DBNL: variants seen among roughly 807,000 people sequenced by gnomAD.
DBNL encodes drebrin like.
A neutral mutation model predicts 62.2 loss-of-function variants in DBNL; 35 were observed. That is an observed-to-expected ratio of 0.56 (90% CI 0.43 to 0.75). The LOEUF is 0.75. Among genes scored for constraint, DBNL ranks in the 30% least tolerant of loss-of-function variants. DBNL has a pLI of 0.00. For missense variants in DBNL, 495 were observed against 578.4 expected (o/e 0.86, Z 1.48); for synonymous variants, 197 against 218.0 (o/e 0.90, Z 0.85).
intron 4 of DBNL, among the ~76,000 whole-genome samples, chr7:44,053,496 A>AT (rs2096130166): frequency 6.6e-6 from 1 of 152,178 alleles, no homozygotes; most frequent in Non-Finnish European, 1.5e-5. Context: ...TTCTGCCAAC[A>AT]TTTCTTCAGC....
chr7:44,057,996 A>C (rs2096139645), intron 6 of DBNL, 133 bp from the exon 7 acceptor site: 1 of 1,524,636 alleles, frequency 6.6e-7, no homozygotes, highest in Non-Finnish European at 8.9e-7. Context: ...GGCTCGGGTA[A>C]GTTAAGCCAC....
At chr7:44,046,464 C>T (rs142287212) in intron 1 of DBNL, among the ~76,000 whole-genome samples, 3 of 152,300 alleles carry the variant, frequency 2.0e-5, no homozygotes, top group African/African-American at 4.8e-5. Flanking sequence ...GGGCTGCTTA[C>T]GAGAGCTGTC....
rs2096163947 is a variant in DBNL, at chr7:44,068,615, T to C, written c.*7699T>C. 6.6e-6 allele frequency: 1 copy of C among 152,210 alleles called. No homozygotes were observed. The highest frequency in any genetic ancestry group is 2.1e-4 in the South Asian group (1 of 4,836). 9.4% of individuals were successfully genotyped at this position (152,210 alleles called of 1,614,324 possible). On this transcript the variant is annotated 3_prime_UTR_variant, in exon 13 of 13. Transcript: ENST00000448521. The stretch of plus-strand genomic sequence containing the variant: ...ACATGGGAGAAAAGAAGATGATCAA[T>C]ACATGCCCATCCTGAGATGATTCAA...
At position 44,064,504 on chromosome 7, in the gene DBNL, TG is replaced by T; in HGVS notation, c.*3591del. 7.7e-6 allele frequency: 3 copies of T among 391,756 alleles called. No individual in the cohort carries two copies. The highest frequency in any genetic ancestry group is 9.6e-6 in the Non-Finnish European group (2 of 207,524). 24.3% of individuals were successfully genotyped at this position (391,756 alleles called of 1,614,324 possible). On this transcript the variant is annotated 3_prime_UTR_variant, in exon 13 of 13. Transcript: ENST00000448521. ...GCTTGTCCAGGGCCCCACAGTAAGT[TG>T]GGATTTGGAGCCAGATGCTCTAAGC... is the stretch of plus-strand genomic sequence containing the variant.
At chr7:44,055,859 T>C (rs940146685) in intron 4 of DBNL, among the ~76,000 whole-genome samples, 1 of 152,194 alleles carries the variant, frequency 6.6e-6, no homozygotes, top group Admixed American at 6.5e-5. Context: ...ATTCTGTAGG[T>C]TGTCTGTTTA....
In DBNL at chr7:44,059,080, TCGGTGA is replaced by T. The variant is rs1196476398; in HGVS notation, c.835+101_835+106del. 6 of 1,335,110 alleles carry T rather than the reference TCGGTGA, an allele frequency of 4.5e-6. No individual in the cohort carries two copies. The African/African-American group carries it at 8.7e-5, about 19-fold the overall frequency. The allele number at this position is 1,335,110 out of a possible 1,614,324, so 82.7% of individuals were successfully genotyped here. A position where few individuals can be genotyped will look rare whatever the true frequency, so the allele number is the denominator to read the frequency against. ...TCCCCCAAGGCTAGTGACAGATATA[TCGGTGA>T]CGGGTGAGTGAGTGAGGAGAAGGGA... is the stretch of plus-strand genomic sequence containing the variant. On this transcript the variant is annotated intron_variant, in intron 9 of 12. Coordinates refer to ENST00000448521, the MANE Select transcript of DBNL (RefSeq NM_001014436.3). The surrounding 1 kb of genome is among the most constrained non-coding windows in gnomAD (Gnocchi z 4.1).
chr7:44,050,117 A>T, intron 1 of DBNL, 108 bp from the exon 2 acceptor site: 1 of 1,280,998 alleles, frequency 7.8e-7, no homozygotes, highest in Non-Finnish European at 1.1e-6. Context: ...CCACAGTGTT[A>T]CTGTCAGCCC....
chr7:44,058,689 A>G (rs1007409730), intron 8 of DBNL: 7 of 806,202 alleles, frequency 8.7e-6, no homozygotes, highest in Non-Finnish European at 1.2e-5. Context: ...GTCCTGGGGG[A>G]GGCCCTGGGA....
At chr7:44,055,023 C>G (rs1585986805) in intron 4 of DBNL, among the ~76,000 whole-genome samples, 1 of 152,162 alleles carries the variant, frequency 6.6e-6, no homozygotes, top group Non-Finnish European at 1.5e-5. Flanking sequence ...TTTCTTTACC[C>G]TTTCATCCAT....
In DBNL at chr7:44,065,242, T is replaced by C. The variant is rs139561812; in HGVS notation, c.*4326T>C. 5.1e-4 allele frequency: 819 copies of C among 1,613,794 alleles called. No individual in the cohort carries two copies. The highest frequency in any genetic ancestry group is 6.6e-4 in the Non-Finnish European group (783 of 1,180,044). The stretch of plus-strand genomic sequence containing the variant: ...CGGCCGTTTCTGCCTTGTTGAGGCC[T>C]GTGAGGCCCCCGTAATGCCGCTCAT... On this transcript the variant is annotated 3_prime_UTR_variant, in exon 13 of 13. Coordinates refer to ENST00000448521, the MANE Select transcript of DBNL (RefSeq NM_001014436.3).
At position 44,065,121 on chromosome 7, in the gene DBNL, T is replaced by C. The variant is rs1402439808; in HGVS notation, c.*4205T>C. ...TCCCAGCAAAGGCAGCCCACCTTGC[T>C]AATGGAGTTGTAGTAGGGGTGCTTC... On this transcript the variant is annotated 3_prime_UTR_variant, in exon 13 of 13. Coordinates refer to ENST00000448521, the MANE Select transcript of DBNL (RefSeq NM_001014436.3). 9 of 1,613,830 alleles carry C rather than the reference T, an allele frequency of 5.6e-6. No homozygotes were observed. The African/African-American group carries it at 9.3e-5, about 17-fold the overall frequency.
chr7:44,064,710 T>C lies in DBNL; in HGVS notation c.*3794T>C, dbSNP rs1261336707. ...TGGCTTCTCAGCCCTCCTTTTTCAG[T>C]GAATGATGTGGAGCCCCACGCCTAG... On this transcript the variant is annotated 3_prime_UTR_variant, in exon 13 of 13. Transcript: ENST00000448521. 18 of 870,590 alleles carry C rather than the reference T, an allele frequency of 2.1e-5. No individual in the cohort carries two copies. Among genetic ancestry groups the C allele is most frequent in the Non-Finnish European group, 2.9e-5 (16 of 556,216 alleles). 53.9% of individuals were successfully genotyped at this position (870,590 alleles called of 1,614,324 possible). A position where few individuals can be genotyped will look rare whatever the true frequency, so the allele number is the denominator to read the frequency against.
Position 44,059,950 on chromosome 7 carries a change from C to T in DBNL, c.1048-98C>T. 8.0e-7 allele frequency: 1 copy of T among 1,250,196 alleles called. No homozygotes were observed. The highest frequency in any genetic ancestry group is 1.1e-6 in the Non-Finnish European group (1 of 882,120). 77.4% of individuals were successfully genotyped at this position (1,250,196 alleles called of 1,614,324 possible). A position where few individuals can be genotyped will look rare whatever the true frequency, so the allele number is the denominator to read the frequency against. ...CCCCCGAGCCTGTAGACTGCTTGCC[C>T]TCTGCGTACTCCCAGCTTGACCTGA... On this transcript the variant is annotated intron_variant, in intron 11 of 12. Transcript: ENST00000448521. The surrounding 1 kb of genome is among the most constrained non-coding windows in gnomAD (Gnocchi z 4.1).
At chr7:44,046,324 A>G (rs1368472242) in intron 1 of DBNL, among the ~76,000 whole-genome samples, 2 of 152,064 alleles carry the variant, frequency 1.3e-5, no homozygotes, top group African/African-American at 4.8e-5. Context: ...CTCCTCATCT[A>G]TCTCCCTTCC....
intron 4 of DBNL, 109 bp downstream of exon 4, chr7:44,053,050 C>A: frequency 7.2e-7 from 1 of 1,382,776 alleles, no homozygotes; most frequent in Non-Finnish European, 9.9e-7. Flanking sequence ...TGGGAGTGTG[C>A]TCATAGCTAA....
intron 4 of DBNL, among the ~76,000 whole-genome samples, chr7:44,055,663 T>C (rs1233252212): frequency 6.6e-6 from 1 of 152,264 alleles, no homozygotes; most frequent in African/African-American, 2.4e-5. Context: ...TGATGGTTAG[T>C]GATGTTGAGC....
intron 8 of DBNL, 126 bp from the exon 9 acceptor site, chr7:44,058,776 G>C: frequency 9.5e-7 from 1 of 1,054,778 alleles, no homozygotes; most frequent in Non-Finnish European, 1.4e-6. Context: ...CTGAGAACAT[G>C]TTTTGCCTCC....
At position 44,044,752 on chromosome 7, in the gene DBNL, G is replaced by T; in HGVS notation, c.15G>T (p.Leu5=). The change falls in exon 1 of 13, where the codon CTG becomes CTT. Residue 5 remains leucine, a synonymous_variant. Coordinates refer to ENST00000448521, the MANE Select transcript of DBNL (RefSeq NM_001014436.3). MAAN[L]SRNGPALQEA... ...CGGGGCGGGCCATGGCGGCGAACCTGAGCCGGAACGGGCCAGCGCTGCAAG... is the reference window on the plus strand; with the variant it reads ...CGGGGCGGGCCATGGCGGCGAACCTTAGCCGGAACGGGCCAGCGCTGCAAG... 1 of 1,508,948 alleles carries T rather than the reference G, an allele frequency of 6.6e-7. No individual in the cohort carries two copies. The highest frequency in any genetic ancestry group is 8.8e-7 in the Non-Finnish European group (1 of 1,130,276). 93.5% of individuals were successfully genotyped at this position (1,508,948 alleles called of 1,614,324 possible). A position where few individuals can be genotyped will look rare whatever the true frequency, so the allele number is the denominator to read the frequency against.
At chr7:44,057,883 T>A in intron 6 of DBNL, 24 bp downstream of exon 6, 1 of 1,613,924 alleles carries the variant, frequency 6.2e-7, no homozygotes, top group Non-Finnish European at 8.5e-7. Context: ...CGGGGCATGC[T>A]GGGCACGTGG....
Sources: allele counts gnomAD v4.1 joint callset (sites outside exome capture counted in the v4.1 genomes callset), GRCh38; gene constraint gnomAD v4.1.1; non-coding constraint Gnocchi (gnomAD v3.1); transcripts MANE v1.5; gene names NCBI Gene and HGNC (gene_info 2026-07-23, HGNC 2026-07-21).